The following TASP1 variants were observed in gnomAD, a reference collection of about 807,000 sequenced individuals.
The protein encoded by TASP1 is taspase 1, also known as threonine aspartase 1.
In TASP1, 16 loss-of-function variants were observed where a neutral mutation model predicts 56.6. The observed-to-expected ratio is 0.28, with a 90% CI of 0.19 to 0.43. The LOEUF is 0.43. Ranked by LOEUF, TASP1 falls within the 20% of genes least tolerant of loss-of-function variation. The pLI is 1.00. For missense variants in TASP1, 393 were observed against 511.6 expected (o/e 0.77, Z 2.24); for synonymous variants, 179 against 184.2 (o/e 0.97, Z 0.23).
the TASP1 span, among the ~76,000 whole-genome samples, chr20:13,114,506 T>C: frequency 6.6e-6 from 1 of 152,180 alleles, no homozygotes. Flanking sequence ...AGTCAGCTCT[T>C]CTAAAACAAA....
At chr20:13,620,473 C>T (rs1180100922) in intron 4 of TASP1, among the ~76,000 whole-genome samples, 2 of 152,142 alleles carry the variant, frequency 1.3e-5, no homozygotes, top group Admixed American at 6.6e-5. Context: ...TCATTTCAAT[C>T]CACAATTAGT....
intron 1 of TASP1, among the ~76,000 whole-genome samples, chr20:13,634,602 C>T (rs1181802678): frequency 2.6e-5 from 4 of 151,790 alleles, no homozygotes; most frequent in African/African-American, 7.3e-5. Context: ...CGGTGGCGAG[C>T]GCCTGTAATC....
At chr20:13,276,871 C>T in the TASP1 span, among the ~76,000 whole-genome samples, 1 of 152,194 alleles carries the variant, frequency 6.6e-6, no homozygotes, top group Non-Finnish European at 1.5e-5. Flanking sequence ...AAACCTCAGG[C>T]TCAAGATTAG....
chr20:13,299,048 T>C, the TASP1 span: 3 of 1,613,770 alleles, frequency 1.9e-6, no homozygotes, highest in South Asian at 1.1e-5. This position sits in a 1 kb window ranked among gnomAD's most constrained non-coding sequence, Gnocchi z 5.8. Context: ...CCTACCCCAC[T>C]GAGGTGGCCT....
intron 9 of TASP1, among the ~76,000 whole-genome samples, chr20:13,533,390 A>G (rs1236106086): frequency 6.6e-6 from 1 of 152,202 alleles, no homozygotes; most frequent in Non-Finnish European, 1.5e-5. Flanking sequence ...TTTCATTCTC[A>G]GTATAAAACT....
chr20:13,515,548 TAAAAA>T (rs34077486), intron 10 of TASP1, among the ~76,000 whole-genome samples: 1 of 122,976 alleles, frequency 8.1e-6, no homozygotes, highest in African/African-American at 3.1e-5. Context: ...TTCATACACT[TAAAAA>T]AAAAAAAAAA....
the TASP1 span, among the ~76,000 whole-genome samples, chr20:13,135,331 T>C: frequency 6.6e-6 from 1 of 152,172 alleles, no homozygotes; most frequent in Non-Finnish European, 1.5e-5. Flanking sequence ...GTCTCTCCTA[T>C]AATTATGTGG....
At chr20:13,122,873 G>T in the TASP1 span, among the ~76,000 whole-genome samples, 1 of 152,234 alleles carries the variant, frequency 6.6e-6, no homozygotes, top group East Asian at 1.9e-4. Flanking sequence ...GAAAATCCTT[G>T]GTTTGATGTA....
At chr20:13,371,736 A>C in the TASP1 span, among the ~76,000 whole-genome samples, 5 of 152,112 alleles carry the variant, frequency 3.3e-5, no homozygotes, top group African/African-American at 1.2e-4. Context: ...TCCAATATTT[A>C]AAGTGGAATA....
chr20:13,301,515 C>T, the TASP1 span, among the ~76,000 whole-genome samples: 1 of 152,144 alleles, frequency 6.6e-6, no homozygotes, highest in Non-Finnish European at 1.5e-5. Context: ...GAATTATTTA[C>T]ACCTTAGAAG....
chr20:13,131,332 G>A, the TASP1 span, among the ~76,000 whole-genome samples: 1 of 152,160 alleles, frequency 6.6e-6, no homozygotes, highest in East Asian at 1.9e-4. Context: ...GTGCTCTGCA[G>A]TGGTGCCCGG....
At chr20:13,340,522 AT>A in the TASP1 span, among the ~76,000 whole-genome samples, 1 of 149,240 alleles carries the variant, frequency 6.7e-6, no homozygotes, top group African/African-American at 2.5e-5. Context: ...CCTTTTGGTT[AT>A]TTTTTTATTT....
chr20:13,560,282 A>G (rs1027027174), intron 7 of TASP1, among the ~76,000 whole-genome samples: 4 of 152,162 alleles, frequency 2.6e-5, no homozygotes, highest in Non-Finnish European at 5.9e-5. Context: ...TTAAAATACC[A>G]CCTTAAAAGC....
chr20:13,278,912 G>A, the TASP1 span, among the ~76,000 whole-genome samples: 1 of 152,312 alleles, frequency 6.6e-6, no homozygotes, highest in Middle Eastern at 3.4e-3. Flanking sequence ...ACATGTAGTG[G>A]TCTAGGCTAA....
the TASP1 span, chr20:13,167,238 T>C: frequency 1.3e-5 from 2 of 152,102 alleles, no homozygotes; most frequent in Non-Finnish European, 2.9e-5. Flanking sequence ...GCTAGGCTAA[T>C]AAGTTCATGA....
chr20:13,461,575 T>C (rs2044053558), intron 11 of TASP1, among the ~76,000 whole-genome samples: 1 of 152,160 alleles, frequency 6.6e-6, no homozygotes, highest in Non-Finnish European at 1.5e-5. Context: ...ATTTTCAGCT[T>C]TGTAGGCAAT....
At chr20:13,280,846 T>C in the TASP1 span, among the ~76,000 whole-genome samples, 1 of 152,130 alleles carries the variant, frequency 6.6e-6, no homozygotes, top group Admixed American at 6.5e-5. Context: ...TCTGGCCAGA[T>C]TTTGTGGGGA....
chr20:13,568,745 CA>C (rs2046618644), intron 7 of TASP1, among the ~76,000 whole-genome samples: 1 of 152,110 alleles, frequency 6.6e-6, no homozygotes, highest in South Asian at 2.1e-4. Context: ...TTCCCAGAAG[CA>C]GAACAAGGCT....
Position 13,586,004 on chromosome 20 carries a change from G to GGCT in TASP1, c.403+1245_403+1246insAGC, listed in dbSNP as rs1187134644. On this transcript the variant is annotated intron_variant, in intron 5 of 13. Coordinates refer to ENST00000337743, the MANE Select transcript of TASP1 (RefSeq NM_017714.3). ...GCAAAAATTAGCCAGGCACTGTGGT[G>GGCT]GGTGCCTGTAATCCCAGCTACTTGG... Among the ~76,000 whole-genome samples, 269 of 151,656 alleles carry GGCT rather than the reference G, an allele frequency of 1.8e-3. 1 individual carries two copies. The highest frequency in any genetic ancestry group is 6.1e-3 in the African/African-American group (253 of 41,258).
Sources: allele counts gnomAD v4.1 joint callset (sites outside exome capture counted in the v4.1 genomes callset), GRCh38; gene constraint gnomAD v4.1.1; non-coding constraint Gnocchi (gnomAD v3.1); transcripts MANE v1.5; gene names NCBI Gene and HGNC (gene_info 2026-07-23, HGNC 2026-07-21).